CRPPA: variants seen among roughly 807,000 people sequenced by gnomAD.
CRPPA encodes the protein CDP-L-ribitol pyrophosphorylase A.
CRPPA carries 43 observed loss-of-function variants against 52.0 expected under a neutral mutation model. The observed-to-expected ratio is 0.83, with a 90% CI of 0.65 to 1.07. The LOEUF is 1.07. CRPPA is among the 50% of genes least tolerant of loss of function. CRPPA has a pLI of 0.00. For synonymous variants in CRPPA, 250 were observed against 203.5 expected, an observed-to-expected ratio of 1.23 and a Z score of -1.94; for missense variants, 629 against 551.7, an observed-to-expected ratio of 1.14 and a Z score of -1.40.
intron 9 of CRPPA, among the ~76,000 whole-genome samples, chr7:16,115,808 G>A (rs1299551082): frequency 1.3e-5 from 2 of 152,168 alleles, no homozygotes; most frequent in African/African-American, 4.8e-5. Context: ...ACAAAATCAT[G>A]AGAGTATGGA....
At chr7:16,187,802 G>A (rs1781535436) in intron 9 of CRPPA, among the ~76,000 whole-genome samples, 1 of 152,126 alleles carries the variant, frequency 6.6e-6, no homozygotes, top group Non-Finnish European at 1.5e-5. Context: ...ACATGGATTT[G>A]AGATGATGGG....
chr7:16,203,123 C>A (rs1272546809), intron 9 of CRPPA, among the ~76,000 whole-genome samples: 1 of 152,068 alleles, frequency 6.6e-6, no homozygotes, highest in Non-Finnish European at 1.5e-5. Flanking sequence ...CTTTATAATT[C>A]CACAGTTAAT....
At chr7:16,236,677 C>T (rs1173582402) in intron 8 of CRPPA, among the ~76,000 whole-genome samples, 1 of 152,068 alleles carries the variant, frequency 6.6e-6, no homozygotes, top group African/African-American at 2.4e-5. Context: ...AATATTCTTA[C>T]CATCTTCCTG....
intron 2 of CRPPA, among the ~76,000 whole-genome samples, chr7:16,396,104 G>C (rs1450165816): frequency 6.6e-6 from 1 of 152,110 alleles, no homozygotes; most frequent in Non-Finnish European, 1.5e-5. Context: ...ATTTAAACAA[G>C]TATCAAAGTT....
intron 5 of CRPPA, among the ~76,000 whole-genome samples, chr7:16,291,660 G>A (rs919265065): frequency 6.6e-6 from 1 of 151,566 alleles, no homozygotes; most frequent in African/African-American, 2.4e-5. Context: ...AAGTTTTAAG[G>A]TTCAATAGCC....
At chr7:16,266,514 T>C (rs1783957741) in intron 6 of CRPPA, among the ~76,000 whole-genome samples, 1 of 151,488 alleles carries the variant, frequency 6.6e-6, no homozygotes. Flanking sequence ...AGTCTTGCTC[T>C]GTCACCCATG....
chr7:16,220,762 C>T (rs199609114), intron 8 of CRPPA, among the ~76,000 whole-genome samples: 1 of 149,940 alleles, frequency 6.7e-6, no homozygotes, highest in East Asian at 2.0e-4. Flanking sequence ...TCTTCAAGGA[C>T]AACTACAAAC....
chr7:16,218,889 A>G (rs1374879523), intron 8 of CRPPA, among the ~76,000 whole-genome samples: 2 of 151,678 alleles, frequency 1.3e-5, no homozygotes, highest in African/African-American at 2.4e-5. Context: ...TCAACGAGAC[A>G]GAAAGTCAAC....
chr7:16,124,636 T>C (rs1782541208), intron 9 of CRPPA, among the ~76,000 whole-genome samples: 1 of 152,142 alleles, frequency 6.6e-6, no homozygotes, highest in African/African-American at 2.4e-5. Flanking sequence ...TGAGTTCTAG[T>C]GTTCTATAGC....
chr7:16,358,837 T>C (rs960529705), intron 3 of CRPPA, among the ~76,000 whole-genome samples: 2 of 152,220 alleles, frequency 1.3e-5, no homozygotes, highest in African/African-American at 2.4e-5. Flanking sequence ...AAATTGTCCA[T>C]ACAATGCAAA....
chr7:16,233,057 C>T (rs554638468), intron 8 of CRPPA, among the ~76,000 whole-genome samples: 1 of 151,876 alleles, frequency 6.6e-6, no homozygotes, highest in East Asian at 1.9e-4. Context: ...TTTTAAAACC[C>T]CCACTAGAAA....
chr7:16,361,690 G>A (rs940602465), intron 3 of CRPPA, among the ~76,000 whole-genome samples: 12 of 152,168 alleles, frequency 7.9e-5, no homozygotes, highest in African/African-American at 1.9e-4. Context: ...CTGGGAGGGA[G>A]GGGAAGAGGA....
chr7:16,294,945 T>A (rs1784641006), intron 5 of CRPPA, among the ~76,000 whole-genome samples: 1 of 152,012 alleles, frequency 6.6e-6, no homozygotes, highest in Non-Finnish European at 1.5e-5. Context: ...ATGCCATAAT[T>A]TTAAGTAAAA....
intron 3 of CRPPA, among the ~76,000 whole-genome samples, chr7:16,354,978 C>T (rs988672646): frequency 6.6e-6 from 1 of 152,010 alleles, no homozygotes; most frequent in African/African-American, 2.4e-5. Flanking sequence ...AAATATACTC[C>T]CAACTAATCA....
intron 9 of CRPPA, among the ~76,000 whole-genome samples, chr7:16,152,169 A>G (rs1043053834): frequency 2.0e-5 from 3 of 152,000 alleles, no homozygotes; most frequent in African/African-American, 7.2e-5. Context: ...TATGATGGAA[A>G]TGTGAGACCA....
chr7:16,275,131 A>T (rs1784174610), intron 6 of CRPPA, among the ~76,000 whole-genome samples: 1 of 152,148 alleles, frequency 6.6e-6, no homozygotes, highest in Non-Finnish European at 1.5e-5. Flanking sequence ...AAAGACACAC[A>T]CAGTTTAAGA....
At chr7:16,173,667 G>C (rs1301518020) in intron 9 of CRPPA, among the ~76,000 whole-genome samples, 1 of 152,122 alleles carries the variant, frequency 6.6e-6, no homozygotes, top group Non-Finnish European at 1.5e-5. Context: ...TAAAATGAGA[G>C]AGCACTCACA....
At chr7:16,166,906 G>C (rs1025467139) in intron 9 of CRPPA, among the ~76,000 whole-genome samples, 1 of 149,172 alleles carries the variant, frequency 6.7e-6, no homozygotes, top group African/African-American at 2.5e-5. Context: ...CTTCAAGAAA[G>C]CTTTCCCCTT....
At chr7:16,106,245 T>TAA (rs1782149045) in intron 9 of CRPPA, among the ~76,000 whole-genome samples, 1 of 152,216 alleles carries the variant, frequency 6.6e-6, no homozygotes, top group African/African-American at 2.4e-5. Flanking sequence ...ACCCATCCTG[T>TAA]GGCTCCACCT....
Sources: gnomAD v4.1 joint callset for allele counts (sites outside exome capture counted in the v4.1 genomes callset) on GRCh38, gnomAD v4.1.1 for gene constraint, MANE v1.5 for transcripts, NCBI Gene and HGNC (gene_info 2026-07-23, HGNC 2026-07-21) for gene names.